Variants in MYO16 observed in about 807,000 individuals in gnomAD.
The protein encoded by MYO16 is unconventional myosin-XVI.
In MYO16, 94 loss-of-function variants were observed where a neutral mutation model predicts 205.3. The ratio of observed to expected loss-of-function variants is 0.46; its 90% confidence interval spans 0.39 to 0.54. The LOEUF (loss-of-function observed/expected upper bound fraction) is 0.54, where lower values mean the gene tolerates loss of function less well. Ranked by LOEUF, MYO16 falls within the 20% of genes least tolerant of loss-of-function variation. The probability of loss-of-function intolerance (pLI) is 0.00; values close to 1 mark genes in which losing one functional copy is unlikely to be tolerated. For synonymous variants in MYO16, 988 were observed against 954.0 expected (o/e 1.04, Z -0.66); for missense variants, 2,315 against 2,387.5 (o/e 0.97, Z 0.63).
chr13:109,035,399 G>C (rs1366854708), intron 23 of MYO16, among the ~76,000 whole-genome samples: 2 of 152,122 alleles, frequency 1.3e-5, no homozygotes, highest in Non-Finnish European at 2.9e-5. Context: ...AAAATGCACT[G>C]TAGGCCGGGC....
chr13:108,729,118 C>T (rs543207500), intron 4 of MYO16, among the ~76,000 whole-genome samples: 1 of 151,574 alleles, frequency 6.6e-6, no homozygotes, highest in Non-Finnish European at 1.5e-5. Flanking sequence ...TTTTAGAGGG[C>T]TAGTACTGTA....
At chr13:108,825,168 T>C (rs1197139556) in intron 9 of MYO16, among the ~76,000 whole-genome samples, 2 of 152,084 alleles carry the variant, frequency 1.3e-5, no homozygotes, top group African/African-American at 4.8e-5. Context: ...GCAAATCAGG[T>C]TGAGCCACAT....
At position 109,008,993 on chromosome 13, in the gene MYO16, A is replaced by G. The variant is rs1337771145; in HGVS notation, c.2539A>G (p.Met847Val). The change falls in exon 22 of 35, where the codon ATG (methionine) becomes GTG (valine). Residue 847 changes from methionine to valine, a missense_variant. Coordinates refer to ENST00000457511, the MANE Select transcript of MYO16 (RefSeq NM_001198950.3). ...QVECVQEGVTMETAYSPGNQN... is the reference protein window; with the variant it reads ...QVECVQEGVTVETAYSPGNQN... Reference sequence around the variant, plus strand: ...GGAATGTGTACAAGAGGGAGTTACCATGGAAACAGCATATTCTCCTGGTAA... The same window carrying G: ...GGAATGTGTACAAGAGGGAGTTACCGTGGAAACAGCATATTCTCCTGGTAA... 6 of 1,610,768 alleles carry G rather than the reference A, an allele frequency of 3.7e-6. No individual in the cohort carries two copies. The highest frequency in any genetic ancestry group is 5.1e-6 in the Non-Finnish European group (6 of 1,178,830).
intron 4 of MYO16, among the ~76,000 whole-genome samples, chr13:108,775,192 G>C (rs555972816): frequency 6.6e-6 from 1 of 152,168 alleles, no homozygotes; most frequent in African/African-American, 2.4e-5. Flanking sequence ...AGAAAATATT[G>C]ATCCATTTAC....
chr13:109,008,621 ATC>A (rs1432930170), intron 21 of MYO16, among the ~76,000 whole-genome samples: 1 of 71,686 alleles, frequency 1.4e-5, no homozygotes, highest in Admixed American at 1.3e-4. Context: ...CTACTGTACT[ATC>A]TATCTTGTGT....
chr13:108,885,395 C>T (rs1338274625), intron 13 of MYO16, among the ~76,000 whole-genome samples: 1 of 151,694 alleles, frequency 6.6e-6, no homozygotes, highest in Non-Finnish European at 1.5e-5. Context: ...GCTGGGATTA[C>T]AGGTGTGAGC....
At chr13:108,894,959 C>T (rs1880341380) in intron 14 of MYO16, among the ~76,000 whole-genome samples, 1 of 152,180 alleles carries the variant, frequency 6.6e-6, no homozygotes. Context: ...GAACCTTCAC[C>T]AACTCTGGTC....
chr13:108,588,867 A>G, the MYO16 span, among the ~76,000 whole-genome samples: 4 of 152,024 alleles, frequency 2.6e-5, no homozygotes, highest in African/African-American at 9.7e-5. Context: ...AGATAAATAT[A>G]CTTTCTTTTC....
intron 34 of MYO16, 69 bp from the exon 35 acceptor site, chr13:109,206,540 C>A: frequency 8.9e-7 from 1 of 1,127,960 alleles, no homozygotes; most frequent in Non-Finnish European, 1.3e-6. Flanking sequence ...CCAGGTGTTG[C>A]TATCACACTT....
At chr13:108,573,256 T>A in the MYO16 span, among the ~76,000 whole-genome samples, 1 of 152,218 alleles carries the variant, frequency 6.6e-6, no homozygotes, top group Non-Finnish European at 1.5e-5. Flanking sequence ...GCAGTGGTTA[T>A]CTTAGATGCG....
Position 108,680,752 on chromosome 13 carries a change from A to T in MYO16, c.292+14603A>T, listed in dbSNP as rs12863584. 7.6e-3 allele frequency among the ~76,000 whole-genome samples: 1,151 copies of T among 152,114 alleles called. 6 individuals carry two copies. Among genetic ancestry groups the T allele is most frequent in the Non-Finnish European group, 0.013 (871 of 67,988 alleles). On this transcript the variant is annotated intron_variant, in intron 2 of 34. Transcript: ENST00000457511. Reference sequence around the variant, plus strand: ...TGCATATCTCCTCTCACCATTGTGGACCCCCAGTGGATCCAGCCTACAGAT... The same window carrying T: ...TGCATATCTCCTCTCACCATTGTGGTCCCCCAGTGGATCCAGCCTACAGAT...
At chr13:108,776,958 GAC>G (rs1469002960) in intron 4 of MYO16, among the ~76,000 whole-genome samples, 1 of 152,158 alleles carries the variant, frequency 6.6e-6, no homozygotes, top group Non-Finnish European at 1.5e-5. Flanking sequence ...GAGCATCACA[GAC>G]ACAGAGTCTG....
At chr13:108,732,447 T>G (rs1357549634) in intron 4 of MYO16, among the ~76,000 whole-genome samples, 4 of 152,204 alleles carry the variant, frequency 2.6e-5, no homozygotes, top group Non-Finnish European at 5.9e-5. Flanking sequence ...AGGTGACATG[T>G]GAGCCGGGAG....
chr13:108,859,298 A>G (rs1309128734), intron 11 of MYO16, among the ~76,000 whole-genome samples: 2 of 152,178 alleles, frequency 1.3e-5, no homozygotes, highest in Admixed American at 6.5e-5. Context: ...CCCAATAAAT[A>G]TTGAATAAAT....
chr13:109,088,045 G>A (rs1179576977), intron 27 of MYO16, among the ~76,000 whole-genome samples: 3 of 152,180 alleles, frequency 2.0e-5, no homozygotes, highest in Admixed American at 2.0e-4. Flanking sequence ...AACAGGCTGG[G>A]CTCAGTGTCC....
chr13:108,664,482 C>T (rs1566537031), intron 1 of MYO16, among the ~76,000 whole-genome samples: 1 of 152,190 alleles, frequency 6.6e-6, no homozygotes, highest in Non-Finnish European at 1.5e-5. Context: ...AGAATAAAGA[C>T]TTGGAAAGTG....
intron 3 of MYO16, among the ~76,000 whole-genome samples, chr13:108,713,433 G>A (rs1224801917): frequency 5.3e-5 from 8 of 152,120 alleles, no homozygotes; most frequent in African/African-American, 1.7e-4. Flanking sequence ...TGTAGTAGAG[G>A]GGGTCATGCC....
At chr13:109,040,385 C>CACACACAG (rs1394314811) in intron 23 of MYO16, among the ~76,000 whole-genome samples, 4 of 113,216 alleles carry the variant, frequency 3.5e-5, no homozygotes, top group Non-Finnish European at 7.1e-5. Context: ...CACACACACA[C>CACACACAG]AGAGAGAGAG....
intron 1 of MYO16, among the ~76,000 whole-genome samples, chr13:108,604,322 C>T (rs367825641): frequency 5.3e-5 from 8 of 152,096 alleles, no homozygotes; most frequent in Admixed American, 2.0e-4. Context: ...AAAAGACATC[C>T]CTGCACCAAG....
Sources: gnomAD v4.1 joint callset for allele counts (sites outside exome capture counted in the v4.1 genomes callset) on GRCh38, gnomAD v4.1.1 for gene constraint, MANE v1.5 for transcripts, NCBI Gene and HGNC (gene_info 2026-07-23, HGNC 2026-07-21) for gene names.